IL17REL: variants seen among roughly 807,000 people sequenced by gnomAD.
The protein encoded by IL17REL is interleukin-17 receptor E-like protein.
Under a neutral mutation model 49.0 loss-of-function variants are expected in IL17REL, and 36 were observed. The observed-to-expected ratio is 0.73, with a 90% CI of 0.56 to 0.97. The LOEUF (loss-of-function observed/expected upper bound fraction) is 0.97. Ranked by LOEUF, IL17REL falls within the 50% of genes least tolerant of loss-of-function variation. The pLI, the probability that IL17REL is intolerant of heterozygous loss-of-function variation, is 0.00. For missense variants in IL17REL, 470 were observed against 453.9 expected (o/e 1.04, Z -0.32); for synonymous variants, 206 against 192.4 (o/e 1.07, Z -0.58).
chr22:49,999,754 A>C (rs1281522619), intron 5 of IL17REL, 74 bp downstream of exon 7: 9 of 1,106,188 alleles, frequency 8.1e-6, no homozygotes, highest in Admixed American at 7.4e-5. Flanking sequence ...GCGGGGCCTA[A>C]GGCTGACCGG....
chr22:49,996,920 G>A (rs1214227032), intron 12 of IL17REL, 60 bp from the exon 15 acceptor site: 4 of 722,622 alleles, frequency 5.5e-6, no homozygotes, highest in Non-Finnish European at 9.0e-6. Flanking sequence ...GATGGGGGAT[G>A]GGAAGGGGGG....
intron 1 of IL17REL, among the ~76,000 whole-genome samples, chr22:50,005,163 A>G (rs910943467): frequency 9.2e-5 from 14 of 152,152 alleles, no homozygotes; most frequent in Non-Finnish European, 1.6e-4. Flanking sequence ...GAGGCTGTGT[A>G]GAAGGAAGGG....
upstream of IL17REL, among the ~76,000 whole-genome samples, chr22:50,010,420 G>A (rs1463827488): frequency 6.6e-6 from 1 of 152,240 alleles, no homozygotes; most frequent in Non-Finnish European, 1.5e-5. Flanking sequence ...CAGAGGGAGC[G>A]GCGGAGGCAG....
downstream of IL17REL, among the ~76,000 whole-genome samples, chr22:49,994,301 G>A (rs886943253): frequency 1.2e-5 from 1 of 84,788 alleles, no homozygotes; most frequent in Admixed American, 1.3e-4. Context: ...GGGATGTCTG[G>A]TCACACCATG....
rs745649941 is a variant in IL17REL at position 49,997,855 on chromosome 22, TCTC to T, written c.820-116_820-114del. The T allele has an allele frequency of 7.5e-5, 104 of 1,382,586 alleles. 1 individual carries two copies. The highest frequency in any genetic ancestry group is 1.0e-4 in the Non-Finnish European group (99 of 977,782). 85.6% of individuals were successfully genotyped at this position (1,382,586 alleles called of 1,614,324 possible). ...AGCTTCAGGGTGCTCTGGGCCCAGT[TCTC>T]CTCCTTAGGCCCTTAGCTCACCCAC... On this transcript the variant is annotated intron_variant, in intron 9 of 12. Coordinates refer to ENST00000341280, the Ensembl canonical transcript of IL17REL.
At chr22:49,994,861 G>C (rs2061025477) in exon 13 of IL17REL, 1 of 152,438 alleles carries the variant, frequency 6.6e-6, no homozygotes, top group Non-Finnish European at 1.5e-5. Flanking sequence ...CCACTGCACA[G>C]GCCACTGCTG....
chr22:50,011,067 G>C (rs2061138759), upstream of IL17REL, among the ~76,000 whole-genome samples: 1 of 151,292 alleles, frequency 6.6e-6, no homozygotes, highest in Admixed American at 6.6e-5. Flanking sequence ...GCGGGCAGGG[G>C]CTCCCGCGCC....
chr22:50,005,731 G>A (rs1055632355), intron 1 of IL17REL, among the ~76,000 whole-genome samples: 2 of 151,988 alleles, frequency 1.3e-5, no homozygotes, highest in East Asian at 1.9e-4. Context: ...CTTGAATCCG[G>A]GAGGCGGAAG....
intron 7 of IL17REL, 36 bp from the exon 10 acceptor site, chr22:49,998,345 G>GC (rs764000865): frequency 6.4e-7 from 1 of 1,560,392 alleles, no homozygotes; most frequent in Non-Finnish European, 8.7e-7. Context: ...GGTCAGTTGG[G>GC]CCCTACCCTG....
chr22:50,001,451 CTG>C (rs2146749395), intron 1 of IL17REL, among the ~76,000 whole-genome samples: 1 of 152,252 alleles, frequency 6.6e-6, no homozygotes, highest in Non-Finnish European at 1.5e-5. Flanking sequence ...AGGAGTGGGC[CTG>C]GGTCAGGGGG....
intron 1 of IL17REL, among the ~76,000 whole-genome samples, chr22:50,004,652 G>A (rs2061098697): frequency 6.6e-6 from 1 of 152,004 alleles, no homozygotes; most frequent in African/African-American, 2.4e-5. Context: ...CCAGAGGTCA[G>A]GGGTTCGAGA....
intron 1 of IL17REL, among the ~76,000 whole-genome samples, chr22:50,006,055 A>G (rs137856): frequency 0.56 from 85,504 of 151,704 alleles, 24,838 homozygotes; most frequent in South Asian, 0.77. Flanking sequence ...ACAGGGGTGG[A>G]GGATGGAGGG....
At position 49,997,550 on chromosome 22, in the gene IL17REL, T is replaced by C. The variant is rs984636989; in HGVS notation, c.878-134A>G. 7.5e-6 allele frequency: 10 copies of C among 1,336,192 alleles called. No individual in the cohort carries two copies. The African/African-American group carries it at 1.0e-4, about 14-fold the overall frequency. 82.8% of individuals were successfully genotyped at this position (1,336,192 alleles called of 1,614,324 possible). On this transcript the variant is annotated intron_variant, in intron 10 of 12. Transcript: ENST00000341280. ...CCCACCGCCTCCCTTCCTTCCCCAG[T>C]GGGCCTGGCGCCTGCCCACTGTACC...
chr22:49,999,736 C>A, intron 5 of IL17REL, 92 bp downstream of exon 7: 1 of 527,452 alleles, frequency 1.9e-6, no homozygotes, highest in East Asian at 8.1e-5. Flanking sequence ...GGGCGGGGCG[C>A]GGGGTGGGCG....
chr22:50,010,346 T>G (rs528805023), upstream of IL17REL, among the ~76,000 whole-genome samples: 2 of 152,286 alleles, frequency 1.3e-5, no homozygotes, highest in South Asian at 4.1e-4. Flanking sequence ...GGGCAGCCTC[T>G]GGGGAACGGG....
intron 11 of IL17REL, 35 bp from the exon 14 acceptor site, chr22:49,997,109 G>T (rs2061040091): frequency 1.9e-6 from 3 of 1,561,476 alleles, no homozygotes; most frequent in Non-Finnish European, 2.6e-6. Flanking sequence ...GGCAATGGGA[G>T]GAAGGGTGGA....
chr22:50,004,027 A>G (rs1477701833), intron 1 of IL17REL, among the ~76,000 whole-genome samples: 1 of 152,220 alleles, frequency 6.6e-6, no homozygotes, highest in Non-Finnish European at 1.5e-5. Context: ...GCAGAATACA[A>G]GATCAATATA....
chr22:49,993,152 C>T (rs2061014345), downstream of IL17REL, among the ~76,000 whole-genome samples: 5 of 152,368 alleles, frequency 3.3e-5, no homozygotes. This position sits in a 1 kb window ranked among gnomAD's most constrained non-coding sequence, Gnocchi z 6.0. Flanking sequence ...GACTTGGTCC[C>T]CCAGCTGCAG....
At chr22:50,006,429 G>A (rs1431129945) in intron 1 of IL17REL, among the ~76,000 whole-genome samples, 2 of 152,090 alleles carry the variant, frequency 1.3e-5, no homozygotes, top group African/African-American at 2.4e-5. Flanking sequence ...ACGTTGAGCC[G>A]CTGAAGGTAA....
Sources: gnomAD v4.1 joint callset for allele counts (sites outside exome capture counted in the v4.1 genomes callset) on GRCh38, gnomAD v4.1.1 for gene constraint, Gnocchi (gnomAD v3.1) non-coding constraint, MANE v1.5 for transcripts, NCBI Gene and HGNC (gene_info 2026-07-23, HGNC 2026-07-21) for gene names.